TBC1D16: variants seen among roughly 807,000 people sequenced by gnomAD.
The protein encoded by TBC1D16 is CTD-2529O21.1.
In TBC1D16, 58 loss-of-function variants were observed where a neutral mutation model predicts 74.7. The observed-to-expected ratio is 0.78, with a 90% confidence interval of 0.63 to 0.97. TBC1D16 has a LOEUF of 0.97. TBC1D16 is among the 50% of genes least tolerant of loss of function. TBC1D16 has a pLI of 0.00. For missense variants in TBC1D16, 1,014 were observed against 1,079.5 expected, an observed-to-expected ratio of 0.94 and a Z score of 0.85; for synonymous variants, 493 against 474.7, an observed-to-expected ratio of 1.04 and a Z score of -0.50.
chr17:80,010,171 T>C lies in TBC1D16; in HGVS notation c.768A>G (p.Glu256=), dbSNP rs368261411. The part of the protein sequence containing the change: ...LAESRGSVFL[E]SDSSPPSSSD... Reference sequence around the variant, plus strand: ...AACCAGGAACTCACCTGCTGTCACTTTCCAGAAACACGGAGCCGCGGCTCT... The same window carrying C: ...AACCAGGAACTCACCTGCTGTCACTCTCCAGAAACACGGAGCCGCGGCTCT... Residue 256 remains glutamate (E), a synonymous_variant, in exon 3 of 12, where the codon GAA becomes GAG. Transcript: ENST00000310924. This position sits in a 1 kb window ranked among gnomAD's most constrained non-coding sequence, Gnocchi z 8.8. 5 of 1,609,982 alleles carry C rather than the reference T, an allele frequency of 3.1e-6. No homozygotes were observed. The highest frequency in any genetic ancestry group is 4.2e-6 in the Non-Finnish European group (5 of 1,177,940).
chr17:80,027,257 G>C (rs2036610459), intron 1 of TBC1D16, among the ~76,000 whole-genome samples: 1 of 152,210 alleles, frequency 6.6e-6, no homozygotes, highest in South Asian at 2.1e-4. Flanking sequence ...GAGTCCAGGA[G>C]TTTGAGACCA....
intron 10 of TBC1D16, chr17:79,943,954 G>A: frequency 2.0e-6 from 3 of 1,492,688 alleles, no homozygotes; most frequent in Non-Finnish European, 2.7e-6. Flanking sequence ...CTTCGTTAAT[G>A]CAGATCGTCC....
chr17:79,934,365 A>G lies in TBC1D16; in HGVS notation c.*6494T>C, dbSNP rs1246287264. On this transcript the variant is annotated 3_prime_UTR_variant, in exon 12 of 12. Coordinates refer to ENST00000310924, the MANE Select transcript of TBC1D16 (RefSeq NM_019020.4). ...TGCAGGGCTGACCCGTGCAGGTGGGATCATCCTTCCTGAGGAGCTGCCCTG... is the reference window on the plus strand; with the variant it reads ...TGCAGGGCTGACCCGTGCAGGTGGGGTCATCCTTCCTGAGGAGCTGCCCTG... 6.6e-6 allele frequency: 1 copy of G among 152,174 alleles called. No individual in the cohort carries two copies. The highest frequency in any genetic ancestry group is 2.1e-4 in the South Asian group (1 of 4,822). 9.4% of individuals were successfully genotyped at this position (152,174 alleles called of 1,614,324 possible).
chr17:79,948,720 G>A (rs1051770439), intron 8 of TBC1D16, 152 bp downstream of exon 8: 30 of 1,061,256 alleles, frequency 2.8e-5, no homozygotes, highest in Non-Finnish European at 4.2e-5. Context: ...CGTAGCTCAT[G>A]AGTAGCGTAT....
Position 80,011,676 on chromosome 17 carries a change from A to G in TBC1D16, c.182-919T>C, listed in dbSNP as rs571194548. Among the ~76,000 whole-genome samples the G allele has an allele frequency of 3.3e-5, 5 of 152,246 alleles. No individual in the cohort carries two copies. In the East Asian group the frequency reaches 7.8e-4, roughly 24 times the overall value. ...CCTGTCTCTACTAAATGTACAAAAAATTAGCCGGGCGTGATGGTGGGCGCC... is the reference window on the plus strand; with the variant it reads ...CCTGTCTCTACTAAATGTACAAAAAGTTAGCCGGGCGTGATGGTGGGCGCC... On this transcript the variant is annotated intron_variant, in intron 2 of 11. Transcript: ENST00000310924.
chr17:79,947,772 G>A lies in TBC1D16; in HGVS notation c.1601C>T (p.Ser534Leu), dbSNP rs749431309. 8 of 1,613,806 alleles carry A rather than the reference G, an allele frequency of 5.0e-6. No homozygotes were observed. The highest frequency in any genetic ancestry group is 2.7e-5 in the African/African-American group (2 of 74,946). The change falls in exon 9 of 12, where the codon TCG becomes TTG. Residue 534 changes from serine (S) to leucine (L), a missense_variant. By Grantham distance (145) the Ser-to-Leu change is moderately radical. Transcript: ENST00000310924. ...GGCCAAGATGGGCGCCACCAGGTCC[G>A]ACATCCCTTGGGAATAGCCGACGGC... The part of the protein sequence containing the change: ...NPAVGYSQGM[S>L]DLVAPILAEV...
rs1390341168 is a variant in TBC1D16, at chr17:79,940,076, A to T, written c.*783T>A. 3.3e-5 allele frequency: 5 copies of T among 152,194 alleles called. No individual in the cohort carries two copies. The highest frequency in any genetic ancestry group is 2.0e-4 in the Admixed American group (3 of 15,284). The allele number at this position is 152,194 out of a possible 1,614,324, so 9.4% of individuals were successfully genotyped here. A position where few individuals can be genotyped will look rare whatever the true frequency, so the allele number is the denominator to read the frequency against. On this transcript the variant is annotated 3_prime_UTR_variant, in exon 12 of 12. Coordinates refer to ENST00000310924, the MANE Select transcript of TBC1D16 (RefSeq NM_019020.4). This position sits in a 1 kb window ranked among gnomAD's most constrained non-coding sequence, Gnocchi z 5.4. ...GAGTTGACCTTAAACAACGCCAAGG[A>T]ACCTCACGTAGAAGACCCCCAGCAA... is the stretch of plus-strand genomic sequence containing the variant.
intron 2 of TBC1D16, among the ~76,000 whole-genome samples, chr17:80,011,334 C>T (rs1475264765): frequency 6.6e-6 from 1 of 151,942 alleles, no homozygotes; most frequent in Non-Finnish European, 1.5e-5. Flanking sequence ...GGCGATGAGC[C>T]ACGAACTCAG....
At chr17:79,958,975 AC>A (rs1461562788) in intron 3 of TBC1D16, among the ~76,000 whole-genome samples, 3 of 152,264 alleles carry the variant, frequency 2.0e-5, no homozygotes, top group Non-Finnish European at 4.4e-5. Flanking sequence ...TTCAGTTGAT[AC>A]AACTGTTCAT....
chr17:79,976,084 G>C (rs112411364), intron 3 of TBC1D16, among the ~76,000 whole-genome samples: 1 of 152,182 alleles, frequency 6.6e-6, no homozygotes, highest in African/African-American at 2.4e-5. Flanking sequence ...CTGTGACCTC[G>C]GCCTTACTAA....
At position 79,985,499 on chromosome 17, in the gene TBC1D16, C is replaced by A. The variant is rs1451326137; in HGVS notation, c.779+24661G>T. The stretch of plus-strand genomic sequence containing the variant: ...TGTGGGTGCGAAGCAGGACTGCCCC[C>A]CAAGGCCAGGCAGGTCCTCGAGGAG... On this transcript the variant is annotated intron_variant, in intron 3 of 11. Transcript: ENST00000310924. This position sits in a 1 kb window ranked among gnomAD's most constrained non-coding sequence, Gnocchi z 4.9. Among the ~76,000 whole-genome samples, 3 of 152,168 alleles carry A rather than the reference C, an allele frequency of 2.0e-5. No individual in the cohort carries two copies. Among genetic ancestry groups the A allele is most frequent in the Non-Finnish European group, 2.9e-5 (2 of 68,022 alleles).
rs2034595137 is a variant in TBC1D16 at position 79,981,820 on chromosome 17, C to G, written c.779+28340G>C. Among the ~76,000 whole-genome samples the G allele has an allele frequency of 6.6e-6, 1 of 152,260 alleles. No individual in the cohort carries two copies. The highest frequency in any genetic ancestry group is 1.5e-5 in the Non-Finnish European group (1 of 68,050). On this transcript the variant is annotated intron_variant, in intron 3 of 11. Transcript: ENST00000310924. The surrounding 1 kb of genome is among the most constrained non-coding windows in gnomAD (Gnocchi z 6.9). ...CGAAGCAGACCCACATCCGTCCCTG[C>G]AGCAGCAGCCTCGGCCCAACCTCAA... is the stretch of plus-strand genomic sequence containing the variant.
Position 79,950,585 on chromosome 17 carries a change from G to A in TBC1D16, c.1090-7C>T, listed in dbSNP as rs374930434. The A allele has an allele frequency of 1.9e-6, 3 of 1,610,494 alleles. No individual in the cohort carries two copies. The highest frequency in any genetic ancestry group is 2.5e-6 in the Non-Finnish European group (3 of 1,178,782). On this transcript the variant is annotated splice_region_variant and splice_polypyrimidine_tract_variant and intron_variant, in intron 5 of 11. Transcript: ENST00000310924. This position sits in a 1 kb window ranked among gnomAD's most constrained non-coding sequence, Gnocchi z 4.6. ...TCTTATCGGGGGCGACCTGCTGGAC[G>A]GGAGGAAAACTGGGCAAAGGTCAGG...
intron 3 of TBC1D16, among the ~76,000 whole-genome samples, chr17:79,978,061 GA>G (rs2144224992): frequency 6.6e-6 from 1 of 152,340 alleles, no homozygotes; most frequent in African/African-American, 2.4e-5. Context: ...CAGCCGGCCG[GA>G]TTCTGCCATC....
intron 1 of TBC1D16, among the ~76,000 whole-genome samples, chr17:80,023,569 C>G (rs954199352): frequency 6.7e-6 from 1 of 150,134 alleles, no homozygotes. Context: ...TTAGAGCGCA[C>G]AGCCCACTGG....
chr17:79,991,844 G>A (rs1027612423), intron 3 of TBC1D16: 13 of 151,792 alleles, frequency 8.6e-5, no homozygotes, highest in African/African-American at 3.1e-4. Flanking sequence ...CCACGCAGAT[G>A]GAGTTTGCAA....
At chr17:80,015,877 G>A (rs1490140848) in intron 1 of TBC1D16, among the ~76,000 whole-genome samples, 1 of 151,978 alleles carries the variant, frequency 6.6e-6, no homozygotes, top group Admixed American at 6.6e-5. Flanking sequence ...CAGGTGTGGT[G>A]GCATGTGCCT....
intron 1 of TBC1D16, among the ~76,000 whole-genome samples, chr17:80,024,592 C>CCACACACCATAGACATACACACCA (rs2036466329): frequency 8.6e-6 from 1 of 116,000 alleles, no homozygotes; most frequent in African/African-American, 3.3e-5. Context: ...ACACCACACA[C>CCACACACCATAGACATACACACCA]CACACACCAT....
intron 1 of TBC1D16, among the ~76,000 whole-genome samples, chr17:80,026,788 G>T (rs1390358663): frequency 6.7e-6 from 1 of 149,654 alleles, no homozygotes; most frequent in Non-Finnish European, 1.5e-5. Context: ...CGGGGTTTGA[G>T]GGGGGCAAAG....
Sources: allele counts gnomAD v4.1 joint callset (sites outside exome capture counted in the v4.1 genomes callset), GRCh38; gene constraint gnomAD v4.1.1; non-coding constraint Gnocchi (gnomAD v3.1); transcripts MANE v1.5; gene names NCBI Gene and HGNC (gene_info 2026-07-23, HGNC 2026-07-21).